Variants in TRPM7 observed in about 807,000 individuals in gnomAD.
TRPM7 encodes the protein transient receptor potential cation channel subfamily M member 7.
Under a neutral mutation model 229.7 loss-of-function variants are expected in TRPM7, and 134 were observed. That is an observed-to-expected ratio of 0.58 (90% CI 0.51 to 0.67). The LOEUF (loss-of-function observed/expected upper bound fraction) is 0.67. Among genes scored for constraint, TRPM7 ranks in the 30% least tolerant of loss-of-function variants. The pLI is 0.00. For synonymous variants in TRPM7, 699 were observed against 715.2 expected, an observed-to-expected ratio of 0.98 and a Z score of 0.36; for missense variants, 1,901 against 2,210.0, an observed-to-expected ratio of 0.86 and a Z score of 2.80.
chr15:50,631,365 T>A (rs1236824726), intron 10 of TRPM7, 52 bp downstream of exon 10: 1 of 1,129,706 alleles, frequency 8.9e-7, no homozygotes, highest in African/African-American at 1.5e-5. Flanking sequence ...CACACACATA[T>A]ACATACATAA....
chr15:50,631,222 TAA>T (rs1024855404), intron 10 of TRPM7, among the ~76,000 whole-genome samples, 193 bp downstream of exon 10: 3 of 152,154 alleles, frequency 2.0e-5, no homozygotes, highest in African/African-American at 4.8e-5. Context: ...AAGATTAAAT[TAA>T]AAGTTACCTT....
At chr15:50,590,486 C>A (rs1031628306) in intron 26 of TRPM7, among the ~76,000 whole-genome samples, 1 of 152,154 alleles carries the variant, frequency 6.6e-6, no homozygotes, top group Non-Finnish European at 1.5e-5. Context: ...ACCAGTCTAG[C>A]AAGTTATTCA....
At chr15:50,669,428 C>A (rs562909260) in intron 1 of TRPM7, among the ~76,000 whole-genome samples, 1 of 151,930 alleles carries the variant, frequency 6.6e-6, no homozygotes, top group East Asian at 1.9e-4. Context: ...GAGTGAGACT[C>A]TGTCTCAAAA....
At chr15:50,586,264 G>C (rs2059340157) in intron 28 of TRPM7, 128 bp downstream of exon 28, 3 of 568,740 alleles carry the variant, frequency 5.3e-6, no homozygotes, top group Non-Finnish European at 9.4e-6. Context: ...CAGTCACTAT[G>C]GCAGATCAGA....
chr15:50,567,134 G>T (rs547918922), intron 38 of TRPM7, among the ~76,000 whole-genome samples: 18 of 151,692 alleles, frequency 1.2e-4, no homozygotes, highest in African/African-American at 4.3e-4. Context: ...CTCTATTAAA[G>T]AAATTAAATG....
intron 20 of TRPM7, 30 bp downstream of exon 20, chr15:50,607,170 A>G (rs1463911455): frequency 6.3e-7 from 1 of 1,591,208 alleles, no homozygotes; most frequent in Non-Finnish European, 8.5e-7. Context: ...TATACAGTAA[A>G]TTATTGGTAG....
chr15:50,675,695 A>T (rs754580607), intron 1 of TRPM7, among the ~76,000 whole-genome samples: 28 of 152,234 alleles, frequency 1.8e-4, no homozygotes, highest in Non-Finnish European at 3.1e-4. Flanking sequence ...TTTGCTTTTT[A>T]ATTTTGCTAG....
intron 9 of TRPM7, 23 bp downstream of exon 9, chr15:50,632,846 A>C: frequency 1.3e-5 from 19 of 1,507,406 alleles, no homozygotes; most frequent in Non-Finnish European, 1.7e-5. Flanking sequence ...CAGCTTTTTA[A>C]ATTTCTGCTG....
intron 1 of TRPM7, among the ~76,000 whole-genome samples, chr15:50,674,368 G>A (rs994443866): frequency 6.6e-6 from 1 of 152,124 alleles, no homozygotes; most frequent in African/African-American, 2.4e-5. Context: ...CTGATCTCAG[G>A]TGATCCACCC....
At chr15:50,651,120 G>T (rs1030910113) in intron 3 of TRPM7, among the ~76,000 whole-genome samples, 1 of 152,174 alleles carries the variant, frequency 6.6e-6, no homozygotes, top group Non-Finnish European at 1.5e-5. Context: ...CCAGGAGGCA[G>T]AGGTTGCAGT....
chr15:50,671,869 C>A (rs1205438074), intron 1 of TRPM7, among the ~76,000 whole-genome samples: 1 of 152,072 alleles, frequency 6.6e-6, no homozygotes, highest in Non-Finnish European at 1.5e-5. Flanking sequence ...ACCAGGACTA[C>A]TTGGGTATTT....
At chr15:50,659,860 G>A (rs2061682922) in intron 2 of TRPM7, among the ~76,000 whole-genome samples, 1 of 152,050 alleles carries the variant, frequency 6.6e-6, no homozygotes, top group Non-Finnish European at 1.5e-5. Flanking sequence ...TAGAGACGCG[G>A]TTTCACCATG....
chr15:50,589,449 G>T, intron 27 of TRPM7, 143 bp downstream of exon 27: 1 of 572,380 alleles, frequency 1.7e-6, no homozygotes, highest in Non-Finnish European at 3.0e-6. Context: ...ACTGAGGACA[G>T]CTTCAAATAT....
At position 50,557,459 on chromosome 15, in the gene TRPM7, G is replaced by A. The variant is rs2053178632; in HGVS notation, c.*4219C>T. Reference sequence around the variant, plus strand: ...AAACAACATAGTCTGACTTGAGAGTGGGGAAAGTGGAACAAGGGAGTAATT... The same window carrying A: ...AAACAACATAGTCTGACTTGAGAGTAGGGAAAGTGGAACAAGGGAGTAATT... On this transcript the variant is annotated 3_prime_UTR_variant, in exon 39 of 39. Coordinates refer to ENST00000646667, the MANE Select transcript of TRPM7 (RefSeq NM_017672.6). The A allele has an allele frequency of 6.6e-6, 1 of 151,990 alleles. No individual in the cohort carries two copies. The highest frequency in any genetic ancestry group is 6.6e-5 in the Admixed American group (1 of 15,248). The allele number at this position is 151,990 out of a possible 1,614,324, so 9.4% of individuals were successfully genotyped here. A position where few individuals can be genotyped will look rare whatever the true frequency, so the allele number is the denominator to read the frequency against.
At position 50,557,965 on chromosome 15, in the gene TRPM7, T is replaced by G. The variant is rs1250525630; in HGVS notation, c.*3713A>C. On this transcript the variant is annotated 3_prime_UTR_variant, in exon 39 of 39. Coordinates refer to ENST00000646667, the MANE Select transcript of TRPM7 (RefSeq NM_017672.6). ...GGCCGAGAATTCCACATTTTAAGAATATGGTAAAAGAGTTTTATTCTCTTC... is the reference window on the plus strand; with the variant it reads ...GGCCGAGAATTCCACATTTTAAGAAGATGGTAAAAGAGTTTTATTCTCTTC... The G allele has an allele frequency of 2.6e-5, 4 of 152,142 alleles. No individual in the cohort carries two copies. Among genetic ancestry groups the G allele is most frequent in the Non-Finnish European group, 2.9e-5 (2 of 68,030 alleles). 9.4% of individuals were successfully genotyped at this position (152,142 alleles called of 1,614,324 possible).
intron 11 of TRPM7, 72 bp downstream of exon 11, chr15:50,628,077 A>G: frequency 9.2e-7 from 1 of 1,088,200 alleles, no homozygotes; most frequent in Non-Finnish European, 1.4e-6. Flanking sequence ...AAGTCAGGTC[A>G]CAGTTCCCGC....
At chr15:50,686,417 G>A in intron 1 of TRPM7, 114 bp downstream of exon 1, 1 of 1,563,960 alleles carries the variant, frequency 6.4e-7, no homozygotes, top group Non-Finnish European at 8.8e-7. Flanking sequence ...AAGGCAATTC[G>A]AGGGTCCTTC....
intron 22 of TRPM7, among the ~76,000 whole-genome samples, chr15:50,598,231 T>A (rs565465437): frequency 9.2e-5 from 14 of 152,304 alleles, no homozygotes; most frequent in Admixed American, 7.2e-4. Flanking sequence ...AGATTCTATA[T>A]CTCAAATGTG....
chr15:50,648,091 A>G (rs967231596), intron 4 of TRPM7, among the ~76,000 whole-genome samples: 6 of 152,180 alleles, frequency 3.9e-5, no homozygotes, highest in African/African-American at 1.4e-4. Flanking sequence ...TAGATATTAT[A>G]AGGAATCTAG....
Sources: allele counts gnomAD v4.1 joint callset (sites outside exome capture counted in the v4.1 genomes callset), GRCh38; gene constraint gnomAD v4.1.1; transcripts MANE v1.5; gene names NCBI Gene and HGNC (gene_info 2026-07-23, HGNC 2026-07-21).